The following ST6GAL1 variants were observed in gnomAD, a reference collection of about 807,000 sequenced individuals.
ST6GAL1 encodes the protein beta-galactoside alpha-2,6-sialyltransferase 1.
In ST6GAL1, 20 loss-of-function variants were observed where a neutral mutation model predicts 38.0. The ratio of observed to expected loss-of-function variants is 0.53; its 90% CI spans 0.37 to 0.77. The LOEUF is 0.77. ST6GAL1 is among the 30% of genes least tolerant of loss of function. ST6GAL1 has a pLI of 0.00. For synonymous variants in ST6GAL1, 196 were observed against 188.2 expected (o/e 1.04, Z -0.34); for missense variants, 432 against 496.4 (o/e 0.87, Z 1.23).
At chr3:186,936,511 A>G (rs1713958914) in intron 1 of ST6GAL1, among the ~76,000 whole-genome samples, 1 of 152,220 alleles carries the variant, frequency 6.6e-6, no homozygotes, top group South Asian at 2.1e-4. Flanking sequence ...CTTATATGTA[A>G]CAGTAGCATT....
At chr3:187,037,760 C>T (rs184262174) in intron 2 of ST6GAL1, among the ~76,000 whole-genome samples, 353 of 152,102 alleles carry the variant, frequency 2.3e-3, no homozygotes, top group Non-Finnish European at 4.0e-3. Context: ...TTTAAAATTA[C>T]ATTTTTATAC....
chr3:186,961,306 T>C (rs1385017554), intron 1 of ST6GAL1, among the ~76,000 whole-genome samples: 3 of 152,174 alleles, frequency 2.0e-5, no homozygotes, highest in Non-Finnish European at 4.4e-5. Flanking sequence ...TGGCATTTGC[T>C]TGTCATGGTT....
chr3:187,011,188 A>C (rs934922686), intron 2 of ST6GAL1, among the ~76,000 whole-genome samples: 1 of 152,106 alleles, frequency 6.6e-6, no homozygotes, highest in South Asian at 2.1e-4. Context: ...TAGTAGGGAT[A>C]GGGTTTCACC....
At chr3:187,011,760 T>G (rs1366682880) in intron 2 of ST6GAL1, among the ~76,000 whole-genome samples, 1 of 152,250 alleles carries the variant, frequency 6.6e-6, no homozygotes, top group Non-Finnish European at 1.5e-5. Flanking sequence ...ATTTTATTTC[T>G]GTATCTTCCA....
intron 5 of ST6GAL1, among the ~76,000 whole-genome samples, chr3:187,062,738 CACA>C (rs1718965529): frequency 6.6e-6 from 1 of 152,102 alleles, no homozygotes. Context: ...GTGATAGTTG[CACA>C]ACAATACAAA....
chr3:187,064,543 G>A (rs1327829114), intron 5 of ST6GAL1: 1 of 456,688 alleles, frequency 2.2e-6, no homozygotes, highest in Non-Finnish European at 4.4e-6. Flanking sequence ...ATTGTGCCAG[G>A]GCTGCGAGGA....
chr3:187,046,488 G>A (rs925700148), intron 4 of ST6GAL1, among the ~76,000 whole-genome samples: 1 of 152,200 alleles, frequency 6.6e-6, no homozygotes, highest in African/African-American at 2.4e-5. Flanking sequence ...ATCCAGGGAA[G>A]AAGACCAATT....
At chr3:186,933,870 A>G (rs1257411917) in intron 1 of ST6GAL1, among the ~76,000 whole-genome samples, 1 of 152,240 alleles carries the variant, frequency 6.6e-6, no homozygotes, top group Non-Finnish European at 1.5e-5. Flanking sequence ...AGGTTTGGTT[A>G]TTAAGCAAAG....
In ST6GAL1 at chr3:187,075,804, G is replaced by T; in HGVS notation, c.*1G>T. The T allele has an allele frequency of 6.2e-7, 1 of 1,614,036 alleles. No individual in the cohort carries two copies. Among genetic ancestry groups the T allele is most frequent in the Non-Finnish European group, 8.5e-7 (1 of 1,179,890 alleles). ...TGGCTTCCGGACCATTCACTGCTAA[G>T]CACAGGCTCCTCACTCTTCTCCATC... On this transcript the variant is annotated 3_prime_UTR_variant, in exon 8 of 8. Coordinates refer to ENST00000169298, the MANE Select transcript of ST6GAL1 (RefSeq NM_173216.2). The surrounding 1 kb of genome is among the most constrained non-coding windows in gnomAD (Gnocchi z 4.1).
chr3:187,057,362 G>A (rs113203820), intron 5 of ST6GAL1, among the ~76,000 whole-genome samples: 1,893 of 152,288 alleles, frequency 0.012, 42 homozygotes, highest in African/African-American at 0.043. Flanking sequence ...GAGGAGCTGC[G>A]ATCCTTTGGA....
intron 1 of ST6GAL1, among the ~76,000 whole-genome samples, chr3:186,949,456 T>A (rs1714502688): frequency 6.6e-6 from 1 of 152,218 alleles, no homozygotes; most frequent in Admixed American, 6.5e-5. Context: ...GCCAGAGGGC[T>A]TGTGACGGCT....
intron 2 of ST6GAL1, chr3:186,974,952 A>G (rs1054827567): frequency 4.6e-5 from 7 of 152,250 alleles, no homozygotes; most frequent in Middle Eastern, 3.2e-3. Flanking sequence ...CTGGTATTGC[A>G]GTGAATTATT....
In ST6GAL1 at chr3:187,074,146, C is replaced by A; in HGVS notation, c.805-13C>A. 6.3e-7 allele frequency: 1 copy of A among 1,595,628 alleles called. No individual in the cohort carries two copies. The highest frequency in any genetic ancestry group is 1.1e-5 in the South Asian group (1 of 87,016). On this transcript the variant is annotated splice_polypyrimidine_tract_variant and intron_variant, in intron 6 of 7. Coordinates refer to ENST00000169298, the MANE Select transcript of ST6GAL1 (RefSeq NM_173216.2). ...CATTTCTCCCTTGAGAGGACCACTT[C>A]TTTCTTTTTCAGTGGTACCAGAATC...
chr3:186,972,420 TTG>T (rs1343161901), intron 2 of ST6GAL1, among the ~76,000 whole-genome samples: 1 of 152,080 alleles, frequency 6.6e-6, no homozygotes, highest in Non-Finnish European at 1.5e-5. Flanking sequence ...AGCTAATTTT[TTG>T]TGTTTTTAGT....
intron 2 of ST6GAL1, among the ~76,000 whole-genome samples, chr3:186,999,192 G>T (rs1487293682): frequency 6.6e-6 from 1 of 152,206 alleles, no homozygotes; most frequent in Admixed American, 6.5e-5. Flanking sequence ...CTTTCACTAG[G>T]CGGTAAGCCT....
At chr3:186,999,135 A>G (rs887611179) in intron 2 of ST6GAL1, among the ~76,000 whole-genome samples, 1 of 152,208 alleles carries the variant, frequency 6.6e-6, no homozygotes, top group African/African-American at 2.4e-5. Flanking sequence ...CTGGGGAAGT[A>G]AAGGGAATCC....
chr3:187,071,276 A>G (rs1349717037), intron 5 of ST6GAL1, among the ~76,000 whole-genome samples: 1 of 152,080 alleles, frequency 6.6e-6, no homozygotes, highest in Admixed American at 6.6e-5. Context: ...TTTAAGGTGA[A>G]TGTTGACAGC....
chr3:186,937,894 G>A (rs1714021681), intron 1 of ST6GAL1, among the ~76,000 whole-genome samples: 1 of 152,140 alleles, frequency 6.6e-6, no homozygotes, highest in Non-Finnish European at 1.5e-5. Flanking sequence ...CCAACATGGT[G>A]AAACCCTGTC....
chr3:186,934,533 G>T (rs185871095), intron 1 of ST6GAL1, among the ~76,000 whole-genome samples: 36 of 92,598 alleles, frequency 3.9e-4, no homozygotes, highest in African/African-American at 1.1e-3. Flanking sequence ...CTGTACTCCA[G>T]CCTGGGGACA....
Sources: gnomAD v4.1 joint callset for allele counts (sites outside exome capture counted in the v4.1 genomes callset) on GRCh38, gnomAD v4.1.1 for gene constraint, Gnocchi (gnomAD v3.1) non-coding constraint, MANE v1.5 for transcripts, NCBI Gene and HGNC (gene_info 2026-07-23, HGNC 2026-07-21) for gene names.